FILIP1: variants seen among roughly 807,000 people sequenced by gnomAD.
The protein encoded by FILIP1 is filamin-A-interacting protein 1.
In FILIP1, 61 loss-of-function variants were observed where a neutral mutation model predicts 102.1. The observed-to-expected ratio is 0.60, with a 90% confidence interval of 0.49 to 0.74. FILIP1 has a LOEUF of 0.74. Among genes scored for constraint, FILIP1 ranks in the 30% least tolerant of loss-of-function variants. The pLI is 0.00. For missense variants in FILIP1, 1,314 were observed against 1,441.2 expected (o/e 0.91, Z 1.43); for synonymous variants, 491 against 526.9 (o/e 0.93, Z 0.93).
At chr6:75,444,288 C>T (rs2149726046) in intron 1 of FILIP1, among the ~76,000 whole-genome samples, 1 of 152,270 alleles carries the variant, frequency 6.6e-6, no homozygotes, top group South Asian at 2.1e-4. Flanking sequence ...TCATATTCTC[C>T]ACTTCTGGTT....
exon 7 of FILIP1, chr6:75,293,717 C>A (rs1023748409): frequency 6.6e-6 from 1 of 152,150 alleles, no homozygotes; most frequent in Non-Finnish European, 1.5e-5. Flanking sequence ...CTAACATTTT[C>A]ACTATTAGTA....
intron 3 of FILIP1, chr6:75,361,733 A>C (rs1775179288): frequency 6.6e-6 from 1 of 152,242 alleles, no homozygotes; most frequent in Admixed American, 6.5e-5. Flanking sequence ...ACTGAGGCTT[A>C]AAGAGCTTAC....
chr6:75,442,311 G>A (rs1429124306), intron 1 of FILIP1, among the ~76,000 whole-genome samples: 1 of 151,716 alleles, frequency 6.6e-6, no homozygotes, highest in Non-Finnish European at 1.5e-5. Context: ...CCCAGACGAT[G>A]GATGGCCAGG....
chr6:75,310,002 T>C (rs2149542609), intron 5 of FILIP1, among the ~76,000 whole-genome samples: 1 of 152,364 alleles, frequency 6.6e-6, no homozygotes, highest in Admixed American at 6.5e-5. Flanking sequence ...TCCCTTTATC[T>C]AATCTATAAA....
At chr6:75,440,619 A>C (rs1193448692) in intron 1 of FILIP1, among the ~76,000 whole-genome samples, 1 of 152,134 alleles carries the variant, frequency 6.6e-6, no homozygotes, top group Non-Finnish European at 1.5e-5. Flanking sequence ...TGCCCCCACC[A>C]ATTTACCACG....
chr6:75,406,121 C>G (rs759512328), intron 2 of FILIP1, among the ~76,000 whole-genome samples: 2 of 152,122 alleles, frequency 1.3e-5, no homozygotes, highest in Non-Finnish European at 2.9e-5. Context: ...CTAACTGAAC[C>G]TCTCTTCTTG....
chr6:75,379,539 T>C (rs1240929673), intron 2 of FILIP1, among the ~76,000 whole-genome samples: 1 of 152,162 alleles, frequency 6.6e-6, no homozygotes, highest in African/African-American at 2.4e-5. Flanking sequence ...CTGAGGAAGC[T>C]CACTCTTAGG....
Position 75,314,785 on chromosome 6 carries a change from G to A in FILIP1, c.1047C>T (p.Asn349=), listed in dbSNP as rs750262495. Reference sequence around the variant, plus strand: ...CTTCCTCTGCCTTCTGCAGATTTTTGTTGGTCTCTTCTAGCTCCTCGATTC... The same window carrying A: ...CTTCCTCTGCCTTCTGCAGATTTTTATTGGTCTCTTCTAGCTCCTCGATTC... The part of the protein sequence containing the change: ...TQRIEELEET[N]KNLQKAEEEL... Residue 349 remains asparagine, a synonymous_variant, in exon 5 of 6, where the codon AAC becomes AAT. Coordinates refer to ENST00000237172, the MANE Select transcript of FILIP1 (RefSeq NM_015687.5). 6.2e-7 allele frequency: 1 copy of A among 1,613,766 alleles called. No individual in the cohort carries two copies.
chr6:75,469,028 C>T (rs1234523546), intron 1 of FILIP1, among the ~76,000 whole-genome samples: 1 of 151,530 alleles, frequency 6.6e-6, no homozygotes, highest in Non-Finnish European at 1.5e-5. Flanking sequence ...ATTTTGCCAA[C>T]CAAAATAAAA....
chr6:75,428,019 A>G (rs891053562), intron 1 of FILIP1, among the ~76,000 whole-genome samples: 1 of 152,172 alleles, frequency 6.6e-6, no homozygotes, highest in African/African-American at 2.4e-5. Flanking sequence ...GTCTTTCTTT[A>G]AATCATATCG....
At chr6:75,411,793 GT>G (rs756959881) in intron 2 of FILIP1, among the ~76,000 whole-genome samples, 1 of 152,114 alleles carries the variant, frequency 6.6e-6, no homozygotes, top group Non-Finnish European at 1.5e-5. Context: ...TTTGGTACCG[GT>G]ACCATGATGT....
At chr6:75,422,978 A>G (rs1388712393) in intron 1 of FILIP1, among the ~76,000 whole-genome samples, 3 of 152,206 alleles carry the variant, frequency 2.0e-5, no homozygotes, top group African/African-American at 7.2e-5. Flanking sequence ...ACAACTGGCA[A>G]CATCAACAAC....
At chr6:75,345,745 A>G (rs1236527266) in intron 4 of FILIP1, among the ~76,000 whole-genome samples, 1 of 152,034 alleles carries the variant, frequency 6.6e-6, no homozygotes, top group Non-Finnish European at 1.5e-5. Context: ...CTCTCCCACA[A>G]AGAGAGAGAC....
intron 6 of FILIP1, among the ~76,000 whole-genome samples, chr6:75,298,554 C>G (rs1161746504): frequency 1.3e-5 from 2 of 152,102 alleles, no homozygotes; most frequent in Non-Finnish European, 2.9e-5. Context: ...ATGTTTTCCC[C>G]AAGTCTCTGC....
intron 4 of FILIP1, among the ~76,000 whole-genome samples, chr6:75,352,092 A>G (rs1774829252): frequency 6.6e-6 from 1 of 152,210 alleles, no homozygotes; most frequent in South Asian, 2.1e-4. Flanking sequence ...TAATAAATAA[A>G]CATTACCAAT....
chr6:75,377,156 T>C (rs1775776128), intron 2 of FILIP1, among the ~76,000 whole-genome samples: 1 of 152,138 alleles, frequency 6.6e-6, no homozygotes, highest in East Asian at 1.9e-4. Flanking sequence ...AAATTAGAAA[T>C]GTTAAGTTTT....
chr6:75,474,720 T>G (rs950095153), intron 1 of FILIP1, among the ~76,000 whole-genome samples: 2 of 152,182 alleles, frequency 1.3e-5, no homozygotes, highest in African/African-American at 4.8e-5. Context: ...AGTTTTGATA[T>G]GGTCTGGAGC....
At chr6:75,456,257 G>T (rs1362267785) in intron 1 of FILIP1, among the ~76,000 whole-genome samples, 1 of 152,158 alleles carries the variant, frequency 6.6e-6, no homozygotes, top group Non-Finnish European at 1.5e-5. Context: ...ATTTTACCAT[G>T]CATAGGACAG....
At position 75,417,585 on chromosome 6, in the gene FILIP1, G is replaced by A. The variant is rs573990686; in HGVS notation, c.-6-2607C>T. Among the ~76,000 whole-genome samples, 12 of 152,216 alleles carry A rather than the reference G, an allele frequency of 7.9e-5. 1 individual carries two copies. The South Asian group carries it at 2.3e-3, about 29-fold the overall frequency. ...ATTTATACTCTTCATATTTTTAATAGCTCTCACTTACTGCTTCTTAAGTGT... is the reference window on the plus strand; with the variant it reads ...ATTTATACTCTTCATATTTTTAATAACTCTCACTTACTGCTTCTTAAGTGT... On this transcript the variant is annotated intron_variant, in intron 1 of 5. Transcript: ENST00000237172.
Sources: gnomAD v4.1 joint callset for allele counts (sites outside exome capture counted in the v4.1 genomes callset) on GRCh38, gnomAD v4.1.1 for gene constraint, MANE v1.5 for transcripts, NCBI Gene and HGNC (gene_info 2026-07-23, HGNC 2026-07-21) for gene names.